C13orf42: variants seen among roughly 807,000 people sequenced by gnomAD.
C13orf42 encodes the protein uncharacterized protein C13orf42.
rs1413982760 is a variant in C13orf42 at position 51,127,165 on chromosome 13, TTAAAAAAATAAAAA to T, written n.137-13957_137-13944del. 3.3e-5 allele frequency among the ~76,000 whole-genome samples: 5 copies of T among 151,944 alleles called. No individual in the cohort carries two copies. In the East Asian group the frequency reaches 9.7e-4, roughly 29 times the overall value. ...CTGGACCACAGAGCAAGACTGTGTC[TTAAAAAAATAAAAA>T]TAAAAAAATACGAGACAAGGCGGAA... is the stretch of plus-strand genomic sequence containing the variant. On this transcript the variant is annotated intron_variant and non_coding_transcript_variant, in intron 1 of 4. Transcript: ENST00000433280.
intron 1 of C13orf42, among the ~76,000 whole-genome samples, chr13:51,141,102 GT>G: frequency 8.6e-6 from 1 of 116,130 alleles, no homozygotes; most frequent in Non-Finnish European, 1.8e-5. Context: ...GGAGGTGTGT[GT>G]GTGTGTGTGT....
chr13:51,125,972 G>A lies in C13orf42; in HGVS notation n.137-12750C>T, dbSNP rs538729997. 4.6e-5 allele frequency among the ~76,000 whole-genome samples: 7 copies of A among 152,324 alleles called. No homozygotes were observed. The East Asian group carries it at 7.7e-4, about 17-fold the overall frequency. ...GCAGGATCAGCCCTGGTCCTGCTCC[G>A]TGTGAATAGCAAAGCAAGGACAATC... On this transcript the variant is annotated intron_variant and non_coding_transcript_variant, in intron 1 of 4. Transcript: ENST00000433280.
At chr13:51,132,390 G>A (rs963846228) in intron 1 of C13orf42, among the ~76,000 whole-genome samples, 1 of 151,160 alleles carries the variant, frequency 6.6e-6, no homozygotes. Context: ...CCAGGATCGC[G>A]CCACTGCAAT....
rs1462806217 is a variant in C13orf42 at position 51,083,991 on chromosome 13, G to A, written c.*160C>T. On this transcript the variant is annotated 3_prime_UTR_variant, in exon 4 of 4. Coordinates refer to ENST00000563710, the MANE Select transcript of C13orf42 (RefSeq NM_001351589.3). The stretch of plus-strand genomic sequence containing the variant: ...GAGACCTGTCCCCTGGGAAGCCACA[G>A]GTCTGTTTGGCACTGGCACGGCACC... The A allele has an allele frequency of 7.6e-6, 3 of 392,758 alleles. No individual in the cohort carries two copies. The highest frequency in any genetic ancestry group is 1.3e-5 in the Non-Finnish European group (3 of 222,958). The allele number at this position is 392,758 out of a possible 1,614,324, so 24.3% of individuals were successfully genotyped here.
chr13:51,139,273 C>T (rs932438308), intron 1 of C13orf42, among the ~76,000 whole-genome samples: 1 of 152,060 alleles, frequency 6.6e-6, no homozygotes, highest in African/African-American at 2.4e-5. Context: ...CAAGATCACG[C>T]CACTGTACTC....
At chr13:51,124,822 G>A (rs2138016873) in intron 1 of C13orf42, among the ~76,000 whole-genome samples, 1 of 152,214 alleles carries the variant, frequency 6.6e-6, no homozygotes, top group African/African-American at 2.4e-5. Context: ...CCTTCCAGCT[G>A]GTTTCACTCC....
chr13:51,146,485 A>C (rs1225926382), intron 1 of C13orf42, among the ~76,000 whole-genome samples: 3 of 152,224 alleles, frequency 2.0e-5, no homozygotes, highest in African/African-American at 7.2e-5. Flanking sequence ...CGCCCATGAC[A>C]CAGCCTCAGG....
chr13:51,143,255 C>T (rs555342555), intron 1 of C13orf42, among the ~76,000 whole-genome samples: 1 of 152,260 alleles, frequency 6.6e-6, no homozygotes, highest in African/African-American at 2.4e-5. Context: ...GAAATGAAAG[C>T]TATTCAACTC....
At chr13:51,106,686 C>G (rs552452865) in intron 1 of C13orf42, among the ~76,000 whole-genome samples, 1 of 152,088 alleles carries the variant, frequency 6.6e-6, no homozygotes, top group Non-Finnish European at 1.5e-5. Flanking sequence ...TAGAGGAGAA[C>G]ATCATTGCTC....
At chr13:51,111,884 G>A (rs895874137), upstream of C13orf42, among the ~76,000 whole-genome samples, 1 of 39,856 alleles carries the variant, frequency 2.5e-5, no homozygotes, top group African/African-American at 3.2e-4. Context: ...CTCGCCCTGC[G>A]GTAATGGACC....
At chr13:51,118,586 G>GT (rs926059352) in intron 1 of C13orf42, among the ~76,000 whole-genome samples, 29 of 152,012 alleles carry the variant, frequency 1.9e-4, no homozygotes, top group African/African-American at 6.5e-4. Flanking sequence ...CAAGGTGGTG[G>GT]TTTTTTTTAC....
At chr13:51,169,700 TA>T in intron 1 of C13orf42, among the ~76,000 whole-genome samples, 1 of 151,802 alleles carries the variant, frequency 6.6e-6, no homozygotes, top group African/African-American at 2.4e-5. Flanking sequence ...GGCCAAGGTA[TA>T]GCTCAGGCAG....
intron 1 of C13orf42, among the ~76,000 whole-genome samples, chr13:51,134,999 G>A (rs1337421115): frequency 6.6e-6 from 1 of 152,216 alleles, no homozygotes; most frequent in African/African-American, 2.4e-5. Context: ...GCAGTCATCA[G>A]AGCACTGAAG....
At chr13:51,119,227 C>G (rs1953515021) in intron 1 of C13orf42, among the ~76,000 whole-genome samples, 1 of 152,042 alleles carries the variant, frequency 6.6e-6, no homozygotes, top group Non-Finnish European at 1.5e-5. Context: ...GAGTGAGCTG[C>G]AGATCCTCAA....
rs1953091243 is a variant in C13orf42 at position 51,083,859 on chromosome 13, G to A, written c.*292C>T. On this transcript the variant is annotated 3_prime_UTR_variant, in exon 4 of 4. Transcript: ENST00000563710. ...AGGTGAGGTCAGGGGAGTGAGCCCA[G>A]ACACTCCACTCAAGACCTTCCATTC... 1 of 246,582 alleles carries A rather than the reference G, an allele frequency of 4.1e-6. No individual in the cohort carries two copies. Among genetic ancestry groups the A allele is most frequent in the African/African-American group, 2.2e-5 (1 of 44,948 alleles). The allele number at this position is 246,582 out of a possible 1,614,324, so 15.3% of individuals were successfully genotyped here.
chr13:51,094,229 A>C (rs1215802270), intron 1 of C13orf42, among the ~76,000 whole-genome samples: 2 of 152,164 alleles, frequency 1.3e-5, no homozygotes, highest in African/African-American at 4.8e-5. Flanking sequence ...CTTAATTTTT[A>C]GTTGGAAGTG....
intron 1 of C13orf42, among the ~76,000 whole-genome samples, chr13:51,106,309 C>CAGTATGATG (rs1953355346): frequency 2.6e-5 from 4 of 152,340 alleles, no homozygotes; most frequent in African/African-American, 9.6e-5. Flanking sequence ...TACACAGAAT[C>CAGTATGATG]CACGTGCAGT....
intron 1 of C13orf42, among the ~76,000 whole-genome samples, chr13:51,141,088 G>A (rs1222461662): frequency 7.2e-6 from 1 of 138,448 alleles, no homozygotes; most frequent in African/African-American, 2.7e-5. Flanking sequence ...GGCTAACATC[G>A]AAGGGAGGTG....
At chr13:51,096,751 G>A (rs192633147) in intron 1 of C13orf42, among the ~76,000 whole-genome samples, 2 of 152,214 alleles carry the variant, frequency 1.3e-5, no homozygotes, top group Admixed American at 6.5e-5. Context: ...CTTTGACTTC[G>A]TAATTTGTTA....
Sources: gnomAD v4.1 joint callset for allele counts (sites outside exome capture counted in the v4.1 genomes callset) on GRCh38, gnomAD v4.1.1 for gene constraint, MANE v1.5 for transcripts, NCBI Gene and HGNC (gene_info 2026-07-23, HGNC 2026-07-21) for gene names.